IQSEC1: variants seen among roughly 807,000 people sequenced by gnomAD.
The protein encoded by IQSEC1 is IQ motif and Sec7 domain ArfGEF 1.
In IQSEC1, 31 loss-of-function variants were observed where a neutral mutation model predicts 91.0. The observed-to-expected ratio is 0.34, with a 90% CI of 0.26 to 0.46. The LOEUF (loss-of-function observed/expected upper bound fraction) is 0.46. IQSEC1 is among the 20% of genes least tolerant of loss of function. The probability of loss-of-function intolerance (pLI) is 1.00; values close to 1 mark genes in which losing one functional copy is unlikely to be tolerated. For synonymous variants in IQSEC1, 699 were observed against 662.6 expected, an observed-to-expected ratio of 1.05 and a Z score of -0.84; for missense variants, 1,388 against 1,575.6, an observed-to-expected ratio of 0.88 and a Z score of 2.02.
intron 1 of IQSEC1, chr3:13,022,257 GA>G: frequency 8.2e-7 from 1 of 1,223,612 alleles, no homozygotes; most frequent in Non-Finnish European, 1.0e-6. Context: ...CAAAGTTAGG[GA>G]AAAGAGGAGG....
At chr3:13,094,541 CCTCT>C (rs1228612219) in intron 2 of IQSEC1, among the ~76,000 whole-genome samples, 1 of 152,140 alleles carries the variant, frequency 6.6e-6, no homozygotes, top group Non-Finnish European at 1.5e-5. Flanking sequence ...GTCCACTCAA[CCTCT>C]CTCTCCTCCT....
intron 12 of IQSEC1, 67 bp from the exon 13 acceptor site, chr3:12,902,889 GC>G (rs1055681527): frequency 8.3e-7 from 1 of 1,203,644 alleles, no homozygotes; most frequent in Non-Finnish European, 1.2e-6. Context: ...CCTGCCTGGT[GC>G]CACGCTGCTG....
chr3:13,050,190 C>G (rs1407012451), intron 1 of IQSEC1, among the ~76,000 whole-genome samples: 1 of 152,142 alleles, frequency 6.6e-6, no homozygotes, highest in Non-Finnish European at 1.5e-5. Context: ...CCTCTGTCAA[C>G]TGCCTTGTTG....
At chr3:13,038,130 C>A (rs1704103292) in intron 1 of IQSEC1, among the ~76,000 whole-genome samples, 1 of 149,062 alleles carries the variant, frequency 6.7e-6, no homozygotes, top group Admixed American at 6.7e-5. Context: ...ATATGCATGG[C>A]AACAGATGAA....
At chr3:12,917,979 G>C (rs931917458) in intron 6 of IQSEC1, among the ~76,000 whole-genome samples, 8 of 152,186 alleles carry the variant, frequency 5.3e-5, no homozygotes, top group African/African-American at 1.4e-4. Context: ...CTCCAGAGAG[G>C]ATGTGTGTTG....
intron 12 of IQSEC1, 34 bp from the exon 13 acceptor site, chr3:12,902,856 C>T (rs372827349): frequency 1.2e-4 from 183 of 1,564,878 alleles, no homozygotes; most frequent in Admixed American, 1.8e-4. Context: ...AAGTTAGACG[C>T]GGACATGAGG....
chr3:13,081,734 G>C (rs555967878), intron 2 of IQSEC1, among the ~76,000 whole-genome samples: 1 of 152,208 alleles, frequency 6.6e-6, no homozygotes, highest in Non-Finnish European at 1.5e-5. Context: ...ACCAGTGCAC[G>C]GGGTGGAGTC....
chr3:13,053,609 A>C (rs1704773311), intron 1 of IQSEC1, among the ~76,000 whole-genome samples: 1 of 152,130 alleles, frequency 6.6e-6, no homozygotes, highest in Non-Finnish European at 1.5e-5. Flanking sequence ...AGCTGCCATG[A>C]CTAGGCTCAC....
chr3:12,987,152 C>A (rs1257091710), intron 1 of IQSEC1: 6 of 235,782 alleles, frequency 2.5e-5, no homozygotes, highest in Non-Finnish European at 4.5e-5. Context: ...CGAGTCAGCG[C>A]CAGCCAGACA....
rs568650683 is a variant in IQSEC1, at chr3:13,104,858, C to T, written c.303-57336G>A. On this transcript the variant is annotated intron_variant, in intron 2 of 15. Coordinates refer to the IQSEC1 transcript ENST00000648114. ...GGGGTGAAACAAGCAGCGTGTGCTG[C>T]GGCAGGACCAGGATGAAGATCATGG... Among the ~76,000 whole-genome samples the T allele has an allele frequency of 7.2e-5, 11 of 152,168 alleles. No homozygotes were observed. In the South Asian group the frequency reaches 1.0e-3, roughly 14 times the overall value.
intron 2 of IQSEC1, among the ~76,000 whole-genome samples, chr3:13,116,420 A>G (rs1212979884): frequency 6.6e-6 from 1 of 152,210 alleles, no homozygotes; most frequent in Non-Finnish European, 1.5e-5. Context: ...ACCAAAACAG[A>G]CAGACTAGAA....
At chr3:13,082,076 GC>G (rs1369791271) in intron 2 of IQSEC1, among the ~76,000 whole-genome samples, 10 of 152,174 alleles carry the variant, frequency 6.6e-5, no homozygotes, top group Non-Finnish European at 1.3e-4. Context: ...GGAAGCAGTG[GC>G]CCCCGAGTCG....
intron 1 of IQSEC1, among the ~76,000 whole-genome samples, chr3:13,231,405 AGAT>A (rs1694837090): frequency 6.6e-6 from 1 of 152,216 alleles, no homozygotes; most frequent in East Asian, 1.9e-4. Context: ...TGGGAAGTCC[AGAT>A]CAGGGTGCCA....
chr3:13,056,216 T>C (rs1195908626), intron 1 of IQSEC1, among the ~76,000 whole-genome samples: 1 of 152,112 alleles, frequency 6.6e-6, no homozygotes, highest in Non-Finnish European at 1.5e-5. Flanking sequence ...AATTCACTGA[T>C]AGGCAAGAAG....
intron 1 of IQSEC1, among the ~76,000 whole-genome samples, chr3:12,990,583 T>C (rs1420330381): frequency 6.6e-6 from 1 of 152,188 alleles, no homozygotes; most frequent in East Asian, 1.9e-4. Context: ...TTCTATGCTG[T>C]CACACACGGC....
At chr3:13,036,122 G>T (rs530841529) in intron 1 of IQSEC1, among the ~76,000 whole-genome samples, 1 of 152,286 alleles carries the variant, frequency 6.6e-6, no homozygotes, top group East Asian at 1.9e-4. Context: ...AGTTCTATGG[G>T]ATTTTAAACC....
At chr3:12,932,433 A>G (rs563271595) in intron 3 of IQSEC1, among the ~76,000 whole-genome samples, 2 of 152,202 alleles carry the variant, frequency 1.3e-5, no homozygotes, top group Non-Finnish European at 2.9e-5. Flanking sequence ...TCTACCAACT[A>G]TGTGAGACTC....
At chr3:13,098,566 T>G (rs2125150657) in intron 2 of IQSEC1, among the ~76,000 whole-genome samples, 1 of 150,186 alleles carries the variant, frequency 6.7e-6, no homozygotes, top group Admixed American at 6.6e-5. Flanking sequence ...GAGAAGGGGG[T>G]GAGGGAGGGA....
At chr3:12,923,557 G>A (rs1696825604) in intron 4 of IQSEC1, among the ~76,000 whole-genome samples, 1 of 152,208 alleles carries the variant, frequency 6.6e-6, no homozygotes, top group African/African-American at 2.4e-5. Flanking sequence ...TGTGGGACGG[G>A]GACTACATGA....
Sources: allele counts gnomAD v4.1 joint callset (sites outside exome capture counted in the v4.1 genomes callset), GRCh38; gene constraint gnomAD v4.1.1; transcripts MANE v1.5; gene names NCBI Gene and HGNC (gene_info 2026-07-23, HGNC 2026-07-21).